CWC22: variants seen among roughly 807,000 people sequenced by gnomAD.
CWC22 encodes CWC22 spliceosome associated protein.
In CWC22, 53 loss-of-function variants were observed where a neutral mutation model predicts 117.2. That is an observed-to-expected ratio of 0.45 (90% confidence interval 0.36 to 0.57). The LOEUF is 0.57. Ranked by LOEUF, CWC22 falls within the 20% of genes least tolerant of loss-of-function variation. CWC22 has a pLI of 0.00. For synonymous variants in CWC22, 360 were observed against 355.6 expected (o/e 1.01, Z -0.14); for missense variants, 980 against 1,068.8 (o/e 0.92, Z 1.16).
intron 1 of CWC22, among the ~76,000 whole-genome samples, chr2:179,999,039 T>C (rs951675869): frequency 6.6e-6 from 1 of 152,190 alleles, no homozygotes; most frequent in Non-Finnish European, 1.5e-5. Context: ...AGCAAATAAT[T>C]TCTGGCAATA....
At chr2:179,949,330 C>G (rs116707561) in intron 19 of CWC22, among the ~76,000 whole-genome samples, 192 of 152,186 alleles carry the variant, frequency 1.3e-3, no homozygotes, top group Non-Finnish European at 2.0e-3. Context: ...ACCTACAAAT[C>G]AACAGAGAAA....
At chr2:179,988,884 T>A (rs1453335355) in intron 2 of CWC22, among the ~76,000 whole-genome samples, 1 of 152,004 alleles carries the variant, frequency 6.6e-6, no homozygotes. Flanking sequence ...AAACTTCTTT[T>A]TTTTTCTGTT....
intron 14 of CWC22, among the ~76,000 whole-genome samples, chr2:179,958,588 T>C (rs1036485232): frequency 2.6e-5 from 4 of 151,994 alleles, no homozygotes; most frequent in African/African-American, 9.7e-5. Context: ...TCATCAGCTA[T>C]TTTTAGTGTA....
intron 19 of CWC22, among the ~76,000 whole-genome samples, chr2:179,947,814 A>G (rs928471948): frequency 9.8e-5 from 15 of 152,342 alleles, no homozygotes; most frequent in Admixed American, 3.9e-4. Context: ...AGGTGTAAAG[A>G]TTGGCCTTTC....
intron 12 of CWC22, 118 bp downstream of exon 12, chr2:179,965,760 A>C (rs1246396081): frequency 2.4e-6 from 2 of 837,338 alleles, no homozygotes; most frequent in African/African-American, 3.5e-5. Context: ...CACCTCCTAG[A>C]CGCCATCAGC....
chr2:179,974,568 G>A (rs1354782377), intron 6 of CWC22, among the ~76,000 whole-genome samples: 1 of 152,146 alleles, frequency 6.6e-6, no homozygotes, highest in Non-Finnish European at 1.5e-5. Context: ...CACTAGAGTG[G>A]AAAATAAGAA....
intron 6 of CWC22, among the ~76,000 whole-genome samples, chr2:179,977,071 C>A (rs935911712): frequency 1.6e-4 from 25 of 152,172 alleles, no homozygotes; most frequent in African/African-American, 5.8e-4. Context: ...TGAGAGAATT[C>A]CTTGAGCCCA....
chr2:179,998,381 TAA>T (rs1001173565), intron 1 of CWC22, among the ~76,000 whole-genome samples: 2 of 152,146 alleles, frequency 1.3e-5, no homozygotes, highest in Admixed American at 1.3e-4. Flanking sequence ...TCAATCCTCA[TAA>T]TTACCCTGTT....
In CWC22 at chr2:179,964,601, G is replaced by C; in HGVS notation, c.1343C>G (p.Thr448Arg). The change falls in exon 13 of 20, where the codon ACA becomes AGA. Residue 448 changes from threonine to arginine, a missense_variant. Coordinates refer to ENST00000410053, the MANE Select transcript of CWC22 (RefSeq NM_020943.3). ...ACGAAATGAGACCAGGTTAATTTCTGTTTTGTCATGAATAGTTACTTTTTG... is the reference window on the plus strand; with the variant it reads ...ACGAAATGAGACCAGGTTAATTTCTCTTTTGTCATGAATAGTTACTTTTTG... ...EGQKVTIHDK[T>R]EINLVSFRRT... 1 of 1,560,032 alleles carries C rather than the reference G, an allele frequency of 6.4e-7. No individual in the cohort carries two copies. The highest frequency in any genetic ancestry group is 8.7e-7 in the Non-Finnish European group (1 of 1,147,892).
Position 179,981,875 on chromosome 2 carries a change from T to A in CWC22, c.329A>T (p.Gln110Leu), listed in dbSNP as rs201663668. 126 of 1,612,120 alleles carry A rather than the reference T, an allele frequency of 7.8e-5. No homozygotes were observed. Among genetic ancestry groups the A allele is most frequent in the Non-Finnish European group, 9.8e-5 (115 of 1,178,998 alleles). The change falls in exon 5 of 20, where the codon CAG becomes CTG. Residue 110 changes from glutamine (Q) to leucine (L), a missense_variant. Coordinates refer to ENST00000410053, the MANE Select transcript of CWC22 (RefSeq NM_020943.3). ...ETSVTQSSSA[Q>L]DEPATKKKKD... ...CTTTTTCTTTGTAGCAGGTTCATCC[T>A]GAGCAGAGGAACTCTGAGTTACTGA...
Position 179,950,858 on chromosome 2 carries a change from T to C in CWC22, c.1886A>G (p.Asn629Ser). ...TCCAAGACCTATAGAAGTAAAGAAG[T>C]TGATGGCAAACCGAGTGTTTCTTGG... ...DNPRNTRFAINFFTSIGLGGL... is the reference protein window; with the variant it reads ...DNPRNTRFAISFFTSIGLGGL... Residue 629 changes from asparagine to serine, a missense_variant, in exon 18 of 20, where the codon AAC (asparagine) becomes AGC (serine). This residue lies in a region of CWC22 where 115 missense variants were observed against 169.8 expected (regional missense o/e 0.68). Coordinates refer to ENST00000410053, the MANE Select transcript of CWC22 (RefSeq NM_020943.3). 2.5e-6 allele frequency: 4 copies of C among 1,600,180 alleles called. No individual in the cohort carries two copies. Among genetic ancestry groups the C allele is most frequent in the Non-Finnish European group, 3.4e-6 (4 of 1,172,078 alleles).
At chr2:180,000,686 T>C (rs1205694503) in intron 1 of CWC22, among the ~76,000 whole-genome samples, 1 of 152,220 alleles carries the variant, frequency 6.6e-6, no homozygotes, top group Non-Finnish European at 1.5e-5. Context: ...GGCTAGAAGT[T>C]GTGCAGACAG....
At chr2:179,955,076 G>A (rs1335860786) in intron 14 of CWC22, 42 bp from the exon 15 acceptor site, 2 of 1,326,146 alleles carry the variant, frequency 1.5e-6, no homozygotes, top group Non-Finnish European at 2.1e-6. Flanking sequence ...AAAACACAAA[G>A]AGACTAAATA....
At chr2:179,956,294 C>T (rs1002777865) in intron 14 of CWC22, among the ~76,000 whole-genome samples, 1 of 151,532 alleles carries the variant, frequency 6.6e-6, no homozygotes, top group African/African-American at 2.4e-5. Flanking sequence ...TAGCCGCTAG[C>T]CATTATGGCT....
rs548688235 is a variant in CWC22, at chr2:180,003,901, A to G, written c.-114+2966T>C. 5.9e-5 allele frequency among the ~76,000 whole-genome samples: 9 copies of G among 152,344 alleles called. 1 individual carries two copies. Among genetic ancestry groups the G allele is most frequent in the African/African-American group, 2.2e-4 (9 of 41,574 alleles). On this transcript the variant is annotated intron_variant, in intron 1 of 19. Transcript: ENST00000410053. Reference sequence around the variant, plus strand: ...TAACTTTATTATATAAAGGCTAGCTATAATCCATGCTTAAAGTTTGTACTT... The same window carrying G: ...TAACTTTATTATATAAAGGCTAGCTGTAATCCATGCTTAAAGTTTGTACTT...
At chr2:179,999,268 G>A (rs1687786376) in intron 1 of CWC22, among the ~76,000 whole-genome samples, 1 of 152,116 alleles carries the variant, frequency 6.6e-6, no homozygotes, top group Non-Finnish European at 1.5e-5. Context: ...TTTATCTAGA[G>A]TTTATAGCAC....
intron 15 of CWC22, among the ~76,000 whole-genome samples, chr2:179,954,599 G>A (rs538157038): frequency 6.6e-6 from 1 of 152,116 alleles, no homozygotes; most frequent in Non-Finnish European, 1.5e-5. Context: ...CATGAGGGTA[G>A]AGCTTAAAGA....
At chr2:179,948,826 A>T (rs987180255) in intron 19 of CWC22, among the ~76,000 whole-genome samples, 1 of 152,186 alleles carries the variant, frequency 6.6e-6, no homozygotes, top group African/African-American at 2.4e-5. Flanking sequence ...CAGAATCCTG[A>T]AATAAGAAAA....
At chr2:179,950,753 T>C in intron 18 of CWC22, 21 bp from the exon 19 acceptor site, 1 of 1,598,210 alleles carries the variant, frequency 6.3e-7, no homozygotes, top group Non-Finnish European at 8.6e-7. Flanking sequence ...ATATAATCTG[T>C]TAGATTCTAT....
Sources: gnomAD v4.1 joint callset for allele counts (sites outside exome capture counted in the v4.1 genomes callset) on GRCh38, gnomAD v4.1.1 for gene constraint, gnomAD v4.1.1 regional missense constraint, MANE v1.5 for transcripts, NCBI Gene and HGNC (gene_info 2026-07-23, HGNC 2026-07-21) for gene names.